The following XXYLT1 variants were observed in gnomAD, a reference collection of about 807,000 sequenced individuals.
XXYLT1 encodes UDP-xylose:alpha-xyloside alpha-1,3-xylosyltransferase.
In XXYLT1, 20 loss-of-function variants were observed where a neutral mutation model predicts 28.9. That is an observed-to-expected ratio of 0.69 (90% CI 0.49 to 1.00). The LOEUF (loss-of-function observed/expected upper bound fraction) is 1.00. XXYLT1 is among the 50% of genes least tolerant of loss of function. The pLI is 0.00. For synonymous variants in XXYLT1, 257 were observed against 253.8 expected, an observed-to-expected ratio of 1.01 and a Z score of -0.12; for missense variants, 542 against 560.1, an observed-to-expected ratio of 0.97 and a Z score of 0.33.
At chr3:195,187,221 G>A (rs1241765570) in intron 2 of XXYLT1, among the ~76,000 whole-genome samples, 2 of 147,218 alleles carry the variant, frequency 1.4e-5, no homozygotes, top group African/African-American at 5.1e-5. Flanking sequence ...CTGGGCCGCA[G>A]AGCAAGACTC....
intron 2 of XXYLT1, among the ~76,000 whole-genome samples, chr3:195,165,802 A>G (rs1280786636): frequency 1.3e-5 from 2 of 152,098 alleles, no homozygotes; most frequent in Non-Finnish European, 2.9e-5. Flanking sequence ...TTGATACTAT[A>G]TCTTCTAAAA....
chr3:195,251,892 T>C (rs1052951496), intron 1 of XXYLT1, among the ~76,000 whole-genome samples: 2 of 152,164 alleles, frequency 1.3e-5, no homozygotes, highest in Non-Finnish European at 2.9e-5. Context: ...GGCGTGACCC[T>C]GGAGAGCCTC....
At chr3:195,216,245 G>A (rs1329560059) in intron 2 of XXYLT1, among the ~76,000 whole-genome samples, 58 of 151,026 alleles carry the variant, frequency 3.8e-4, no homozygotes, top group African/African-American at 1.1e-3. Context: ...CATCACAATT[G>A]AAAGAACTAG....
chr3:195,139,431 G>A (rs564255359), intron 3 of XXYLT1, among the ~76,000 whole-genome samples: 2 of 152,298 alleles, frequency 1.3e-5, no homozygotes, highest in South Asian at 2.1e-4. Context: ...TGCTGCTTAC[G>A]GATCTCTCAT....
At position 195,115,979 on chromosome 3, in the gene XXYLT1, G is replaced by GC. The variant is rs2108605170; in HGVS notation, c.785+40469dup. Reference sequence around the variant, plus strand: ...AACTCAAGTCAGGCAGCTGAAGCATGCACTATTTGCCACAAACGGAGTCGG... The same window carrying GC: ...AACTCAAGTCAGGCAGCTGAAGCATGCCACTATTTGCCACAAACGGAGTCGG... On this transcript the variant is annotated intron_variant, in intron 3 of 3. Transcript: ENST00000310380. The surrounding 1 kb of genome is among the most constrained non-coding windows in gnomAD (Gnocchi z 4.2). Among the ~76,000 whole-genome samples the GC allele has an allele frequency of 1.3e-5, 2 of 152,296 alleles. No individual in the cohort carries two copies. Among genetic ancestry groups the GC allele is most frequent in the South Asian group, 4.1e-4 (2 of 4,820 alleles).
intron 3 of XXYLT1, among the ~76,000 whole-genome samples, chr3:195,096,877 T>C (rs901770354): frequency 6.6e-6 from 1 of 152,234 alleles, no homozygotes; most frequent in African/African-American, 2.4e-5. Flanking sequence ...GTCTTCCAAA[T>C]TGAGATAGAA....
intron 1 of XXYLT1, among the ~76,000 whole-genome samples, chr3:195,232,494 T>A (rs1427183177): frequency 6.6e-6 from 1 of 152,164 alleles, no homozygotes; most frequent in African/African-American, 2.4e-5. Context: ...TTTGAACTTT[T>A]TCTTCTTTTT....
chr3:195,178,470 C>T (rs569425953), intron 2 of XXYLT1, among the ~76,000 whole-genome samples: 46 of 152,320 alleles, frequency 3.0e-4, no homozygotes, highest in African/African-American at 1.1e-3. Flanking sequence ...AAATGTGGAG[C>T]GGCCACAACA....
chr3:195,127,272 T>C (rs77702134), intron 3 of XXYLT1, among the ~76,000 whole-genome samples: 2,934 of 152,210 alleles, frequency 0.019, 100 homozygotes, highest in African/African-American at 0.067. Context: ...CACGGCGGAT[T>C]TGACTCTCAA....
At chr3:195,098,997 A>T (rs540294284) in intron 3 of XXYLT1, among the ~76,000 whole-genome samples, 85 of 152,264 alleles carry the variant, frequency 5.6e-4, no homozygotes, top group Non-Finnish European at 1.1e-3. Context: ...TCATTGCTTC[A>T]AGCACAGACC....
At chr3:195,080,398 T>C (rs914956238) in intron 3 of XXYLT1, among the ~76,000 whole-genome samples, 1 of 152,150 alleles carries the variant, frequency 6.6e-6, no homozygotes, top group East Asian at 1.9e-4. Flanking sequence ...AGCAGTTCAA[T>C]TCTAGTGGGA....
At chr3:195,189,366 T>A (rs1722329969) in intron 2 of XXYLT1, among the ~76,000 whole-genome samples, 1 of 151,882 alleles carries the variant, frequency 6.6e-6, no homozygotes, top group African/African-American at 2.4e-5. Flanking sequence ...ACAACAACCA[T>A]TACAGGGAAA....
rs116799619 is a variant in XXYLT1 at position 195,076,655 on chromosome 3, G to A, written c.786-6544C>T. ...CGGGCTGGAAGTCCAAGATCACAGT[G>A]CTGGCAGCTGGCTCTGTCTGGGCTA... is the stretch of plus-strand genomic sequence containing the variant. On this transcript the variant is annotated intron_variant, in intron 3 of 3. Coordinates refer to ENST00000310380, the MANE Select transcript of XXYLT1 (RefSeq NM_152531.5). This position sits in a 1 kb window ranked among gnomAD's most constrained non-coding sequence, Gnocchi z 5.3. Among the ~76,000 whole-genome samples, 1,344 of 152,304 alleles carry A rather than the reference G, an allele frequency of 8.8e-3. 21 individuals are homozygous for A. The highest frequency in any genetic ancestry group is 0.031 in the African/African-American group (1,277 of 41,566).
rs556333140 is a variant in XXYLT1 at position 195,110,690 on chromosome 3, ATG to A, written c.786-40581_786-40580del. Among the ~76,000 whole-genome samples the A allele has an allele frequency of 3.3e-3, 237 of 72,108 alleles. 64 individuals are homozygous for A. The highest frequency in any genetic ancestry group is 0.013 in the African/African-American group (215 of 16,556). 47.3% of individuals were successfully genotyped at this position (72,108 alleles called of 152,430 possible). A position where few individuals can be genotyped will look rare whatever the true frequency, so the allele number is the denominator to read the frequency against. On this transcript the variant is annotated intron_variant, in intron 3 of 3. Transcript: ENST00000310380. ...TGTGGTGTATGTGTGTGTGTGCTGT[ATG>A]TGTGCATGTGTGTGGTGTGTGTGGT...
intron 3 of XXYLT1, among the ~76,000 whole-genome samples, chr3:195,122,927 C>T (rs967603020): frequency 3.9e-5 from 6 of 152,170 alleles, no homozygotes; most frequent in African/African-American, 1.4e-4. Context: ...GGACCAGGTG[C>T]TATAAGCCAG....
At chr3:195,245,023 G>A (rs866439271) in intron 1 of XXYLT1, among the ~76,000 whole-genome samples, 17 of 149,364 alleles carry the variant, frequency 1.1e-4, no homozygotes, top group African/African-American at 3.4e-4. Context: ...AAAATTAGCC[G>A]GGGGTGGTGG....
At chr3:195,213,360 G>T (rs905927050) in intron 2 of XXYLT1, among the ~76,000 whole-genome samples, 3 of 151,918 alleles carry the variant, frequency 2.0e-5, no homozygotes, top group Admixed American at 6.6e-5. Context: ...CACTTCCTGG[G>T]TTCAAGTGAT....
At chr3:195,171,436 G>A (rs1273558764) in intron 2 of XXYLT1, among the ~76,000 whole-genome samples, 1 of 152,188 alleles carries the variant, frequency 6.6e-6, no homozygotes, top group African/African-American at 2.4e-5. Context: ...GTCATCACTT[G>A]GGGTGGATTA....
chr3:195,194,936 A>G (rs1722563237), intron 2 of XXYLT1, among the ~76,000 whole-genome samples: 3 of 152,186 alleles, frequency 2.0e-5, no homozygotes, highest in African/African-American at 7.2e-5. Flanking sequence ...AAACAAGCAG[A>G]GGAAACATTT....
Sources: allele counts gnomAD v4.1 joint callset (sites outside exome capture counted in the v4.1 genomes callset), GRCh38; gene constraint gnomAD v4.1.1; non-coding constraint Gnocchi (gnomAD v3.1); transcripts MANE v1.5; gene names NCBI Gene and HGNC (gene_info 2026-07-23, HGNC 2026-07-21).